The following CCNE2 variants were observed in gnomAD, a reference collection of about 807,000 sequenced individuals.
The protein encoded by CCNE2 is cyclin E2.
In CCNE2, 18 loss-of-function variants were observed where a neutral mutation model predicts 56.8. That is an observed-to-expected ratio of 0.32 (90% CI 0.22 to 0.47). CCNE2 has a LOEUF of 0.47. Among genes scored for constraint, CCNE2 ranks in the 20% least tolerant of loss-of-function variants. The pLI, the probability that CCNE2 is intolerant of heterozygous loss-of-function variation, is 1.00. For missense variants in CCNE2, 371 were observed against 467.1 expected, an observed-to-expected ratio of 0.79 and a Z score of 1.90; for synonymous variants, 139 against 149.2, an observed-to-expected ratio of 0.93 and a Z score of 0.50.
chr8:94,891,778 T>C (rs28399561), intron 5 of CCNE2: 27,961 of 1,420,634 alleles, frequency 0.02, 717 homozygotes, highest in African/African-American at 0.1. Flanking sequence ...GGCCAAGCAG[T>C]GGGACTGGAC....
At position 94,882,307 on chromosome 8, in the gene CCNE2, A is replaced by ATTTT. The variant is rs1329152694; in HGVS notation, c.944-19_944-18insAAAA. ...CTCCAAACCTAGATAGATAGAAAAA[A>ATTTT]GTTAGAAAAGCATGAAGGTTGTACA... On this transcript the variant is annotated intron_variant, in intron 10 of 11. Coordinates refer to ENST00000308108, the MANE Select transcript of CCNE2 (RefSeq NM_057749.3). 2 of 1,568,544 alleles carry ATTTT rather than the reference A, an allele frequency of 1.3e-6. No individual in the cohort carries two copies. The highest frequency in any genetic ancestry group is 1.7e-6 in the Non-Finnish European group (2 of 1,157,566).
chr8:94,882,140 C>G lies in CCNE2; in HGVS notation c.1093G>C (p.Ala365Pro), dbSNP rs777971345. 2.5e-6 allele frequency: 4 copies of G among 1,603,754 alleles called. No homozygotes were observed. The Admixed American group carries it at 6.9e-5, about 28-fold the overall frequency. The change falls in exon 11 of 12, where the codon GCT (alanine) becomes CCT (proline). Residue 365 changes from alanine to proline, a missense_variant. Ala to Pro is a conservative substitution (Grantham distance 27). Transcript: ENST00000308108. Reference protein sequence around the residue: ...HNIQTHTNYLAMLEEVNYINT... With the variant: ...HNIQTHTNYLPMLEEVNYINT... The stretch of plus-strand genomic sequence containing the variant: ...CTCACAAAAAAACATACCAGCATAG[C>G]CAAATAGTTTGTATGTGTCTGGATA...
chr8:94,881,158 GTTTAAA>G lies in CCNE2; in HGVS notation c.*468_*473del, dbSNP rs1335210291. ...TACAAAACTAAACCTTTGTAAACAAGTTTAAATTTAATTTTCAAGAACCAAATTGCA... is the reference window on the plus strand; with the variant it reads ...TACAAAACTAAACCTTTGTAAACAAGTTTAATTTTCAAGAACCAAATTGCA... On this transcript the variant is annotated 3_prime_UTR_variant, in exon 12 of 12. Transcript: ENST00000308108. 2.8e-5 allele frequency: 11 copies of G among 391,738 alleles called. No individual in the cohort carries two copies. Among genetic ancestry groups the G allele is most frequent in the Admixed American group, 4.4e-5 (1 of 22,570 alleles). 24.3% of individuals were successfully genotyped at this position (391,738 alleles called of 1,614,324 possible).
upstream of CCNE2, chr8:94,896,637 C>G (rs1294302421): frequency 1.3e-5 from 2 of 151,970 alleles, no homozygotes; most frequent in Non-Finnish European, 2.9e-5. Flanking sequence ...CTGAGCGAGC[C>G]GGACGGCGAG....
Position 94,890,305 on chromosome 8 carries a change from G to T in CCNE2, c.453+110C>A, listed in dbSNP as rs1178144679. On this transcript the variant is annotated intron_variant, in intron 6 of 11. Coordinates refer to ENST00000308108, the MANE Select transcript of CCNE2 (RefSeq NM_057749.3). Reference sequence around the variant, plus strand: ...TACAGTAAGTACCTCAAAAAAGACAGCTTCCTGGGGATGAACAATAAACTC... The same window carrying T: ...TACAGTAAGTACCTCAAAAAAGACATCTTCCTGGGGATGAACAATAAACTC... The T allele has an allele frequency of 4.3e-6, 4 of 922,424 alleles. No homozygotes were observed. In the South Asian group the frequency reaches 1.0e-4, roughly 23 times the overall value. The allele number at this position is 922,424 out of a possible 1,614,324, so 57.1% of individuals were successfully genotyped here.
In CCNE2 at chr8:94,891,781, G is replaced by A. The variant is rs1230373289; in HGVS notation, c.317+1037C>T. ...TAGGTGTACCCAGGCCAAGCAGTGG[G>A]ACTGGACACAAGGTTGGTGGCCCAA... On this transcript the variant is annotated intron_variant, in intron 5 of 11. Coordinates refer to ENST00000308108, the MANE Select transcript of CCNE2 (RefSeq NM_057749.3). 3 of 1,441,290 alleles carry A rather than the reference G, an allele frequency of 2.1e-6. No individual in the cohort carries two copies. In the Admixed American group the frequency reaches 5.1e-5, roughly 24 times the overall value. 89.3% of individuals were successfully genotyped at this position (1,441,290 alleles called of 1,614,324 possible).
chr8:94,893,199 TAGA>T (rs1817309047), intron 4 of CCNE2, among the ~76,000 whole-genome samples: 1 of 152,106 alleles, frequency 6.6e-6, no homozygotes, highest in African/African-American at 2.4e-5. Context: ...ATTCTGGTAA[TAGA>T]AGACACCAGG....
chr8:94,892,203 C>T (rs1817274227), intron 5 of CCNE2: 1 of 405,592 alleles, frequency 2.5e-6, no homozygotes, highest in Admixed American at 3.2e-5. Context: ...TGATCACAGT[C>T]AAGAGAAGTC....
In CCNE2 at chr8:94,880,941, TATA is replaced by T; in HGVS notation, c.*688_*690del. On this transcript the variant is annotated 3_prime_UTR_variant, in exon 12 of 12. Transcript: ENST00000308108. ...AAGGAGCCACAGCATTTATCTTGTTTATAATTTCTTTGGTACTCCCACTGTTTA... is the reference window on the plus strand; with the variant it reads ...AAGGAGCCACAGCATTTATCTTGTTTATTTCTTTGGTACTCCCACTGTTTA... 2.5e-6 allele frequency: 1 copy of T among 398,838 alleles called. No homozygotes were observed. The highest frequency in any genetic ancestry group is 4.4e-6 in the Non-Finnish European group (1 of 225,930). 24.7% of individuals were successfully genotyped at this position (398,838 alleles called of 1,614,324 possible). A position where few individuals can be genotyped will look rare whatever the true frequency, so the allele number is the denominator to read the frequency against.
Position 94,892,900 on chromosome 8 carries a change from T to C in CCNE2, c.235A>G (p.Ile79Val). The C allele has an allele frequency of 6.5e-7, 1 of 1,539,396 alleles. No homozygotes were observed. Among genetic ancestry groups the C allele is most frequent in the Non-Finnish European group, 8.7e-7 (1 of 1,146,154 alleles). The change falls in exon 5 of 12, where the codon ATA (isoleucine) becomes GTA (valine). Residue 79 changes from isoleucine (I) to valine (V), a missense_variant. Transcript: ENST00000308108. ...CIIIETPHKE[I>V]GTSDFSRFTN... ...AATCTGGAGAAATCACTTGTTCCTA[T>C]TTCTTTGTGAGGTGTTTCAATGATA...
upstream of CCNE2, chr8:94,896,370 C>A (rs1283701866): frequency 2.0e-5 from 3 of 151,458 alleles, no homozygotes. Context: ...GGGGGCCCGA[C>A]GCTCTTCCTT....
In CCNE2 at chr8:94,882,892, G is replaced by C; in HGVS notation, c.832C>G (p.Leu278Val). ...SQETFIQIAQ[L>V]LDLCILAIDS... ...ATGGCTAGAATACACAGATCTAAAAGCTAACAGGAAAAACAAAAGTACAAG... is the reference window on the plus strand; with the variant it reads ...ATGGCTAGAATACACAGATCTAAAACCTAACAGGAAAAACAAAAGTACAAG... Residue 278 changes from leucine (L) to valine (V), a missense_variant and splice_region_variant, in exon 10 of 12, where the codon CTT becomes GTT. By Grantham distance (32) the Leu-to-Val change is conservative. Coordinates refer to ENST00000308108, the MANE Select transcript of CCNE2 (RefSeq NM_057749.3). 1 of 1,598,348 alleles carries C rather than the reference G, an allele frequency of 6.3e-7. No individual in the cohort carries two copies.
chr8:94,893,660 G>A, intron 4 of CCNE2: 1 of 555,454 alleles, frequency 1.8e-6, no homozygotes, highest in South Asian at 2.4e-5. Context: ...TTCCAAGAGG[G>A]AGGGATTTAC....
At chr8:94,890,151 C>T (rs950835417) in intron 6 of CCNE2, among the ~76,000 whole-genome samples, 1 of 152,120 alleles carries the variant, frequency 6.6e-6, no homozygotes, top group African/African-American at 2.4e-5. Flanking sequence ...ATCTGTGGCA[C>T]CCAGAAAGTG....
chr8:94,893,739 C>T (rs1038852815), intron 4 of CCNE2, 152 bp downstream of exon 4: 6 of 753,912 alleles, frequency 8.0e-6, no homozygotes, highest in Non-Finnish European at 1.1e-5. Flanking sequence ...ATAGAAACCA[C>T]CCAAAGATAG....
chr8:94,882,868 T>C lies in CCNE2; in HGVS notation c.856A>G (p.Ile286Val), dbSNP rs370440046. ...CTGTACTGGAACTCTAATGAATCAA[T>C]GGCTAGAATACACAGATCTAAAAGC... ...AQLLDLCILA[I>V]DSLEFQYRIL... The change falls in exon 10 of 12, where the codon ATT becomes GTT. Residue 286 changes from isoleucine to valine, a missense_variant. Coordinates refer to ENST00000308108, the MANE Select transcript of CCNE2 (RefSeq NM_057749.3). 6.2e-7 allele frequency: 1 copy of C among 1,612,490 alleles called. No homozygotes were observed.
In CCNE2 at chr8:94,881,293, G is replaced by C; in HGVS notation, c.*339C>G. 2.8e-6 allele frequency: 1 copy of C among 359,008 alleles called. No homozygotes were observed. 22.2% of individuals were successfully genotyped at this position (359,008 alleles called of 1,614,324 possible). A position where few individuals can be genotyped will look rare whatever the true frequency, so the allele number is the denominator to read the frequency against. On this transcript the variant is annotated 3_prime_UTR_variant, in exon 12 of 12. Coordinates refer to ENST00000308108, the MANE Select transcript of CCNE2 (RefSeq NM_057749.3). ...AGCACTTATCCAGTCCAAAACTCCA[G>C]TGACAAAATTCCTAGTTTATCAAGA...
chr8:94,894,151 TAGTA>T lies in CCNE2; in HGVS notation c.15-36_15-33del, dbSNP rs1288981629. ...TGAATTTTTAAAAAGGAAGTGTAAT[TAGTA>T]AGTTAAAGGCAGCAACTAATTTGAA... On this transcript the variant is annotated intron_variant, in intron 2 of 11. Transcript: ENST00000308108. The T allele has an allele frequency of 1.9e-6, 3 of 1,613,516 alleles. No individual in the cohort carries two copies. In the East Asian group the frequency reaches 6.7e-5, roughly 36 times the overall value.
At chr8:94,885,870 C>T (rs1456348260) in intron 7 of CCNE2, among the ~76,000 whole-genome samples, 1 of 151,714 alleles carries the variant, frequency 6.6e-6, no homozygotes, top group Non-Finnish European at 1.5e-5. Context: ...AGGTGTGTGC[C>T]ACTGTGCCCG....
Sources: gnomAD v4.1 joint callset for allele counts (sites outside exome capture counted in the v4.1 genomes callset) on GRCh38, gnomAD v4.1.1 for gene constraint, MANE v1.5 for transcripts, NCBI Gene and HGNC (gene_info 2026-07-23, HGNC 2026-07-21) for gene names.